PRKN: variants seen among roughly 807,000 people sequenced by gnomAD.
PRKN encodes the protein parkin RBR E3 ubiquitin protein ligase.
In PRKN, 56 loss-of-function variants were observed where a neutral mutation model predicts 59.5. The ratio of observed to expected loss-of-function variants is 0.94; its 90% CI spans 0.76 to 1.18. PRKN has a LOEUF of 1.18. Among genes scored for constraint, PRKN ranks in the 50% most tolerant of loss-of-function variants. The pLI, the probability that PRKN is intolerant of heterozygous loss-of-function variation, is 0.00. For missense variants in PRKN, 657 were observed against 596.4 expected (o/e 1.10, Z -1.06); for synonymous variants, 250 against 222.1 (o/e 1.13, Z -1.12).
intron 1 of PRKN, among the ~76,000 whole-genome samples, chr6:162,489,005 C>T (rs1409327814): frequency 6.6e-6 from 1 of 152,116 alleles, no homozygotes; most frequent in Non-Finnish European, 1.5e-5. Flanking sequence ...ACTCCTGAAA[C>T]TTTAAAGATG....
chr6:161,851,786 G>T (rs941764238), intron 6 of PRKN, among the ~76,000 whole-genome samples: 6 of 150,352 alleles, frequency 4.0e-5, no homozygotes, highest in African/African-American at 1.5e-4. Flanking sequence ...CAAATAACGT[G>T]TTTTTAATAG....
chr6:161,444,046 G>C lies in PRKN; in HGVS notation c.1084-57169C>G, dbSNP rs540418066. Among the ~76,000 whole-genome samples the C allele has an allele frequency of 6.6e-6, 1 of 152,258 alleles. No individual in the cohort carries two copies. Among genetic ancestry groups the C allele is most frequent in the Admixed American group, 6.5e-5 (1 of 15,300 alleles). Reference sequence around the variant, plus strand: ...TAGGAGGCGCCAGGCTTAGGCCTTAGGCAGACAAAGAGCAAAAGTGTGGGA... The same window carrying C: ...TAGGAGGCGCCAGGCTTAGGCCTTACGCAGACAAAGAGCAAAAGTGTGGGA... On this transcript the variant is annotated intron_variant, in intron 9 of 11. Coordinates refer to ENST00000366898, the MANE Select transcript of PRKN (RefSeq NM_004562.3). This position sits in a 1 kb window ranked among gnomAD's most constrained non-coding sequence, Gnocchi z 5.6.
intron 6 of PRKN, among the ~76,000 whole-genome samples, chr6:161,911,407 C>T (rs537126560): frequency 3.9e-5 from 6 of 152,124 alleles, no homozygotes; most frequent in African/African-American, 1.4e-4. Flanking sequence ...AAGCTTAAAC[C>T]CCCTTCCCAC....
At chr6:162,172,535 G>A (rs1256375310) in intron 4 of PRKN, among the ~76,000 whole-genome samples, 1 of 152,186 alleles carries the variant, frequency 6.6e-6, no homozygotes, top group Non-Finnish European at 1.5e-5. Context: ...TTCAACACTA[G>A]TCAAGTGATT....
intron 1 of PRKN, among the ~76,000 whole-genome samples, chr6:162,525,883 T>G (rs34343523): frequency 0.11 from 16,137 of 152,202 alleles, 1,145 homozygotes; most frequent in South Asian, 0.19. Flanking sequence ...AGACAGGGTC[T>G]CACTCCATTG....
intron 4 of PRKN, among the ~76,000 whole-genome samples, chr6:162,088,365 T>C (rs992038767): frequency 6.6e-6 from 1 of 152,190 alleles, no homozygotes; most frequent in Non-Finnish European, 1.5e-5. Flanking sequence ...TTTTTCTCAA[T>C]CACTGGAAAA....
At chr6:162,632,060 A>C (rs1783130550) in intron 1 of PRKN, among the ~76,000 whole-genome samples, 1 of 152,080 alleles carries the variant, frequency 6.6e-6, no homozygotes, top group Admixed American at 6.6e-5. Context: ...TGTTGGTGGG[A>C]ATGTAAATTA....
intron 1 of PRKN, among the ~76,000 whole-genome samples, chr6:162,444,151 G>T (rs1445730573): frequency 6.6e-6 from 1 of 152,050 alleles, no homozygotes; most frequent in Non-Finnish European, 1.5e-5. Context: ...TCTTCTCACT[G>T]CACCTGCTGT....
At chr6:162,648,384 C>CTTTTTTT (rs10644990) in intron 1 of PRKN, among the ~76,000 whole-genome samples, 2 of 144,482 alleles carry the variant, frequency 1.4e-5, no homozygotes, top group Non-Finnish European at 1.5e-5. Context: ...GGTGTTCTTT[C>CTTTTTTT]TTTTTTTATT....
At position 161,538,734 on chromosome 6, in the gene PRKN, G is replaced by A. The variant is rs1488587054; in HGVS notation, c.1083+10120C>T. ...GATCCTTGGAGACCAGTGCCCATGG[G>A]ACTGGCTGGTCTTTACCCAAGAAAA... On this transcript the variant is annotated intron_variant, in intron 9 of 11. Transcript: ENST00000366898. This position sits in a 1 kb window ranked among gnomAD's most constrained non-coding sequence, Gnocchi z 4.2. Among the ~76,000 whole-genome samples, 1 of 152,184 alleles carries A rather than the reference G, an allele frequency of 6.6e-6. No individual in the cohort carries two copies. The highest frequency in any genetic ancestry group is 1.5e-5 in the Non-Finnish European group (1 of 68,030).
At chr6:161,591,558 G>A (rs1455635545) in intron 7 of PRKN, among the ~76,000 whole-genome samples, 2 of 152,174 alleles carry the variant, frequency 1.3e-5, no homozygotes, top group Non-Finnish European at 2.9e-5. Context: ...TTTTACAGCT[G>A]AGAAAATTTG....
At chr6:162,158,416 G>A (rs74876011) in intron 4 of PRKN, among the ~76,000 whole-genome samples, 118 of 2,752 alleles carry the variant, frequency 0.043, 1 homozygote, top group African/African-American at 0.059. Flanking sequence ...GTTTGTTTGC[G>A]TTTTTTTTTT....
rs1395989267 is a variant in PRKN, at chr6:161,646,117, A to T, written c.872-76701T>A. ...TGGCGGAGGAGGCGGCGTATCAGTG[A>T]CAGTGGTCACTGCGTGTGCGTGCGT... On this transcript the variant is annotated intron_variant, in intron 7 of 11. Coordinates refer to ENST00000366898, the MANE Select transcript of PRKN (RefSeq NM_004562.3). Among the ~76,000 whole-genome samples, 44 of 83,794 alleles carry T rather than the reference A, an allele frequency of 5.3e-4. 5 individuals are homozygous for T. Among genetic ancestry groups the T allele is most frequent in the Non-Finnish European group, 5.4e-5 (2 of 36,848 alleles). 55.0% of individuals were successfully genotyped at this position (83,794 alleles called of 152,430 possible). A position where few individuals can be genotyped will look rare whatever the true frequency, so the allele number is the denominator to read the frequency against.
chr6:161,619,756 C>T (rs886073257), intron 7 of PRKN, among the ~76,000 whole-genome samples: 2 of 152,044 alleles, frequency 1.3e-5, no homozygotes, highest in Admixed American at 1.3e-4. Context: ...TATTTCAGTG[C>T]GTCTATGCTG....
chr6:162,548,476 G>A (rs898476800), intron 1 of PRKN, among the ~76,000 whole-genome samples: 1 of 151,882 alleles, frequency 6.6e-6, no homozygotes, highest in African/African-American at 2.4e-5. Flanking sequence ...TCTTAAATCT[G>A]GACCCAGGAA....
At chr6:161,874,156 T>A (rs375765444) in intron 6 of PRKN, among the ~76,000 whole-genome samples, 275 of 18,436 alleles carry the variant, frequency 0.015, 5 homozygotes, top group Admixed American at 0.026. Flanking sequence ...ATAATATATA[T>A]TATATATAAT....
intron 7 of PRKN, among the ~76,000 whole-genome samples, chr6:161,700,949 C>T (rs1786226179): frequency 6.6e-6 from 1 of 152,140 alleles, no homozygotes; most frequent in Non-Finnish European, 1.5e-5. Flanking sequence ...CAGCTGACTG[C>T]CTGGTGTTTT....
intron 7 of PRKN, among the ~76,000 whole-genome samples, chr6:161,729,828 T>C (rs143823248): frequency 6.6e-6 from 1 of 150,742 alleles, no homozygotes; most frequent in Non-Finnish European, 1.5e-5. Flanking sequence ...TATTCTGACA[T>C]GTTGCATTCT....
At chr6:161,982,140 C>T (rs1781283143) in intron 5 of PRKN, among the ~76,000 whole-genome samples, 1 of 152,132 alleles carries the variant, frequency 6.6e-6, no homozygotes, top group Admixed American at 6.5e-5. Context: ...GCCACTCAGC[C>T]ATAATTTGAT....
Sources: gnomAD v4.1 joint callset for allele counts (sites outside exome capture counted in the v4.1 genomes callset) on GRCh38, gnomAD v4.1.1 for gene constraint, Gnocchi (gnomAD v3.1) non-coding constraint, MANE v1.5 for transcripts, NCBI Gene and HGNC (gene_info 2026-07-23, HGNC 2026-07-21) for gene names.